DACH2: variants seen among roughly 807,000 people sequenced by gnomAD.
DACH2 encodes the protein dachshund homolog 2.
Under a neutral mutation model 35.8 loss-of-function variants are expected in DACH2, and 17 were observed. The observed-to-expected ratio is 0.48, with a 90% CI of 0.33 to 0.71. DACH2 has a LOEUF of 0.71. DACH2 is among the 30% of genes least tolerant of loss of function. The probability of loss-of-function intolerance (pLI) is 0.02; values close to 1 mark genes in which losing one functional copy is unlikely to be tolerated. For missense variants in DACH2, 469 were observed against 472.7 expected (o/e 0.99, Z 0.07); for synonymous variants, 195 against 177.3 (o/e 1.10, Z -0.79).
At position 86,604,724 on chromosome X, in the gene DACH2, A is replaced by G. The variant is rs754955295; in HGVS notation, c.641-46312A>G. ...ATCTTGGATCATCTAGGTAGCCCCA[A>G]TGTAATCACATGAGTCCTTAAAAGC... On this transcript the variant is annotated intron_variant, in intron 3 of 11. Coordinates refer to ENST00000373125, the MANE Select transcript of DACH2 (RefSeq NM_053281.3). Among the ~76,000 whole-genome samples the G allele has an allele frequency of 1.3e-4, 14 of 111,525 alleles. No homozygotes were observed. In the South Asian group the frequency reaches 5.3e-3, roughly 42 times the overall value.
chrX:86,581,790 C>T (rs561871961), intron 3 of DACH2, among the ~76,000 whole-genome samples: 17 of 111,149 alleles, frequency 1.5e-4, no homozygotes, highest in Non-Finnish European at 2.3e-4. Flanking sequence ...TAATTTTGAG[C>T]GGGAGACTTT....
At chrX:86,561,850 T>A (rs2039221171) in intron 3 of DACH2, among the ~76,000 whole-genome samples, 1 of 72,048 alleles carries the variant, frequency 1.4e-5, no homozygotes, top group Non-Finnish European at 2.5e-5. Context: ...TGTATACATA[T>A]GTAACTAACC....
At chrX:86,675,547 C>A (rs141248761) in intron 4 of DACH2, among the ~76,000 whole-genome samples, 305 of 110,165 alleles carry the variant, frequency 2.8e-3, no homozygotes, top group Middle Eastern at 4.7e-3. Flanking sequence ...TGCTGGACAT[C>A]GTGGCACACG....
chrX:86,820,168 A>G (rs917418693), intron 11 of DACH2, among the ~76,000 whole-genome samples: 3 of 111,784 alleles, frequency 2.7e-5, no homozygotes, highest in Non-Finnish European at 5.7e-5. Flanking sequence ...TGTATCTGCC[A>G]CTGCATTTGT....
At position 86,398,798 on chromosome X, in the gene DACH2, C is replaced by T. The variant is rs781078664; in HGVS notation, c.527+21936C>T. Among the ~76,000 whole-genome samples, 245 of 111,553 alleles carry T rather than the reference C, an allele frequency of 2.2e-3. 1 individual carries two copies. Among genetic ancestry groups the T allele is most frequent in the Non-Finnish European group, 4.0e-3 (210 of 53,109 alleles). ...GTTCTTTTACATTTGCTGAGGAGTG[C>T]TTTACTTCCAACTATGTGGTCAATT... On this transcript the variant is annotated intron_variant, in intron 2 of 11. Coordinates refer to ENST00000373125, the MANE Select transcript of DACH2 (RefSeq NM_053281.3).
intron 1 of DACH2, among the ~76,000 whole-genome samples, chrX:86,319,382 G>A (rs1287919924): frequency 9.0e-6 from 1 of 111,337 alleles, no homozygotes; most frequent in Non-Finnish European, 1.9e-5. Flanking sequence ...CACCTCGTAT[G>A]CAAATCCATG....
At chrX:86,303,259 C>CAA (rs2034610690) in intron 1 of DACH2, among the ~76,000 whole-genome samples, 1 of 108,473 alleles carries the variant, frequency 9.2e-6, no homozygotes, top group African/African-American at 3.4e-5. Flanking sequence ...TCCCAAGTTT[C>CAA]CTCACTCCTA....
intron 1 of DACH2, among the ~76,000 whole-genome samples, chrX:86,315,150 C>T (rs1263967409): frequency 1.8e-5 from 2 of 111,922 alleles, no homozygotes; most frequent in Non-Finnish European, 1.9e-5. Flanking sequence ...GAAACCAATG[C>T]TCATTTACCA....
intron 1 of DACH2, among the ~76,000 whole-genome samples, chrX:86,349,779 T>C (rs1022149016): frequency 8.9e-6 from 1 of 112,084 alleles, no homozygotes; most frequent in African/African-American, 3.2e-5. Flanking sequence ...TTTTTTTTAA[T>C]TTTTCTGTGA....
chrX:86,771,667 T>C (rs1339729222), intron 7 of DACH2, among the ~76,000 whole-genome samples: 1 of 111,959 alleles, frequency 8.9e-6, no homozygotes, highest in African/African-American at 3.2e-5. Flanking sequence ...TTCACAAAAC[T>C]TGAAACCCAA....
At chrX:86,824,515 T>G (rs181661011) in intron 11 of DACH2, among the ~76,000 whole-genome samples, 16 of 111,876 alleles carry the variant, frequency 1.4e-4, no homozygotes, top group Non-Finnish European at 2.1e-4. Flanking sequence ...TGAGGTGATG[T>G]ACATCCTCAG....
At chrX:86,230,766 G>A (rs1452414084) in intron 1 of DACH2, among the ~76,000 whole-genome samples, 1 of 111,513 alleles carries the variant, frequency 9.0e-6, no homozygotes, top group Non-Finnish European at 1.9e-5. Flanking sequence ...TCCAGTTTAT[G>A]TGCATAAAGG....
intron 11 of DACH2, chrX:86,827,888 C>G: frequency 1.2e-6 from 1 of 829,708 alleles, no homozygotes; most frequent in Non-Finnish European, 1.7e-6. Flanking sequence ...AAATATGGAA[C>G]CTTTAATTAC....
At position 86,549,121 on chromosome X, in the gene DACH2, A is replaced by T. The variant is rs758030490; in HGVS notation, c.640+34730A>T. ...TATTTGCAGAAGTGGGTGAGCTATC[A>T]TGTCAGATATTATATGTCACATGTT... On this transcript the variant is annotated intron_variant, in intron 3 of 11. Coordinates refer to ENST00000373125, the MANE Select transcript of DACH2 (RefSeq NM_053281.3). Among the ~76,000 whole-genome samples, 5 of 111,690 alleles carry T rather than the reference A, an allele frequency of 4.5e-5. No homozygotes were observed. The East Asian group carries it at 1.4e-3, about 32-fold the overall frequency.
intron 1 of DACH2, among the ~76,000 whole-genome samples, chrX:86,192,507 A>G (rs765530508): frequency 1.1e-4 from 12 of 112,385 alleles, no homozygotes; most frequent in Non-Finnish European, 2.1e-4. Flanking sequence ...AGGGCCAGCT[A>G]CATAGTGAAT....
intron 1 of DACH2, among the ~76,000 whole-genome samples, chrX:86,317,408 C>T (rs1227846995): frequency 8.9e-6 from 1 of 111,934 alleles, no homozygotes; most frequent in African/African-American, 3.2e-5. Flanking sequence ...ATTACCCATC[C>T]CTTTTTGTTT....
intron 11 of DACH2, among the ~76,000 whole-genome samples, chrX:86,818,529 TTTTTC>T (rs1306808920): frequency 9.0e-6 from 1 of 111,616 alleles, no homozygotes; most frequent in Admixed American, 9.5e-5. Flanking sequence ...TTAGCCATTA[TTTTTC>T]TATTCTTCCT....
intron 1 of DACH2, among the ~76,000 whole-genome samples, chrX:86,198,543 A>G (rs1164444168): frequency 9.0e-6 from 1 of 111,631 alleles, no homozygotes; most frequent in African/African-American, 3.3e-5. Flanking sequence ...AATAAAGAAA[A>G]AAAGAGAGAA....
chrX:86,333,230 T>A (rs1353839748), intron 1 of DACH2, among the ~76,000 whole-genome samples: 2 of 112,226 alleles, frequency 1.8e-5, no homozygotes, highest in African/African-American at 6.5e-5. Context: ...ATCTATTTTT[T>A]GAAACTTCAA....
Sources: gnomAD v4.1 joint callset for allele counts (sites outside exome capture counted in the v4.1 genomes callset) on GRCh38, gnomAD v4.1.1 for gene constraint, MANE v1.5 for transcripts, NCBI Gene and HGNC (gene_info 2026-07-23, HGNC 2026-07-21) for gene names.